MICU1: variants seen among roughly 807,000 people sequenced by gnomAD.
MICU1 encodes mitochondrial calcium uptake 1.
In MICU1, 45 loss-of-function variants were observed where a neutral mutation model predicts 56.8. The observed-to-expected ratio is 0.79, with a 90% CI of 0.62 to 1.02. MICU1 has a LOEUF of 1.02. Ranked by LOEUF, MICU1 falls within the 50% of genes least tolerant of loss-of-function variation. The pLI is 0.00. For synonymous variants in MICU1, 186 were observed against 195.1 expected (o/e 0.95, Z 0.39); for missense variants, 504 against 587.1 (o/e 0.86, Z 1.46).
chr10:72,425,674 C>A (rs1210935876), intron 8 of MICU1, among the ~76,000 whole-genome samples: 2 of 152,104 alleles, frequency 1.3e-5, no homozygotes, highest in African/African-American at 4.8e-5. Context: ...TGATTTTGGG[C>A]AGCACCTCTC....
At chr10:72,395,836 C>T (rs1026486772) in intron 10 of MICU1, among the ~76,000 whole-genome samples, 3 of 152,234 alleles carry the variant, frequency 2.0e-5, no homozygotes, top group Non-Finnish European at 2.9e-5. Context: ...CTAGACTCCA[C>T]CTCTATGGGC....
chr10:72,379,803 T>C (rs1326510537), intron 10 of MICU1, among the ~76,000 whole-genome samples: 5 of 152,086 alleles, frequency 3.3e-5, no homozygotes, highest in Admixed American at 6.6e-5. Context: ...CTTCCTACCA[T>C]AGGAGGAAGA....
intron 10 of MICU1, among the ~76,000 whole-genome samples, chr10:72,387,237 A>C (rs1862920679): frequency 6.6e-6 from 1 of 152,224 alleles, no homozygotes; most frequent in Non-Finnish European, 1.5e-5. Flanking sequence ...TATAACTCCA[A>C]CCTGAGGGTC....
chr10:72,391,926 C>G (rs949314605), intron 10 of MICU1: 1 of 152,084 alleles, frequency 6.6e-6, no homozygotes, highest in African/African-American at 2.4e-5. Flanking sequence ...GGGGTGAAAA[C>G]AGCTAATCCC....
At chr10:72,617,588 T>C (rs539113029) in intron 1 of MICU1, among the ~76,000 whole-genome samples, 3 of 152,180 alleles carry the variant, frequency 2.0e-5, no homozygotes, top group South Asian at 2.1e-4. Flanking sequence ...TCCCAGAATT[T>C]TGGGAGGCCG....
chr10:72,488,997 T>A (rs1404894161), intron 6 of MICU1, among the ~76,000 whole-genome samples: 1 of 152,168 alleles, frequency 6.6e-6, no homozygotes, highest in Non-Finnish European at 1.5e-5. Context: ...TACTTAGATG[T>A]AGCTTACAAG....
intron 7 of MICU1, chr10:72,475,902 G>A: frequency 1.1e-5 from 5 of 456,530 alleles, no homozygotes; most frequent in South Asian, 7.7e-5. Context: ...CTCTGTTCAG[G>A]AAAGGATGAA....
chr10:72,616,403 T>C (rs1305142631), intron 1 of MICU1, among the ~76,000 whole-genome samples: 1 of 151,970 alleles, frequency 6.6e-6, no homozygotes, highest in Non-Finnish European at 1.5e-5. Flanking sequence ...TAAGAGACTC[T>C]ACACAGAAAC....
At chr10:72,380,891 A>G (rs1309551436) in intron 10 of MICU1, among the ~76,000 whole-genome samples, 1 of 152,246 alleles carries the variant, frequency 6.6e-6, no homozygotes, top group African/African-American at 2.4e-5. Flanking sequence ...GGATGAATGA[A>G]TAATTGAATA....
At chr10:72,585,994 A>ATTTTTTATTTTTTTTTTTTTTTTT (rs1276935862) in intron 1 of MICU1, among the ~76,000 whole-genome samples, 2 of 100,206 alleles carry the variant, frequency 2.0e-5, no homozygotes, top group Non-Finnish European at 4.2e-5. Flanking sequence ...TATTGTTTTT[A>ATTTTTTATTTTTTTTTTTTTTTTT]TTTTTTCTTT....
chr10:72,403,142 C>T (rs1051648015), intron 10 of MICU1, among the ~76,000 whole-genome samples: 1 of 152,034 alleles, frequency 6.6e-6, no homozygotes, highest in Admixed American at 6.6e-5. Context: ...CTTTGGGAGG[C>T]CGAGGTGGGT....
At chr10:72,513,759 G>C (rs1867560040) in intron 5 of MICU1, among the ~76,000 whole-genome samples, 1 of 151,540 alleles carries the variant, frequency 6.6e-6, no homozygotes, top group African/African-American at 2.4e-5. Flanking sequence ...TCATTCTTTT[G>C]TACGTGAATA....
chr10:72,509,292 G>GT (rs1867363059), intron 5 of MICU1: 2 of 915,844 alleles, frequency 2.2e-6, no homozygotes, highest in African/African-American at 3.4e-5. Flanking sequence ...CAAGCATAAA[G>GT]TAAGAGGCAG....
chr10:72,611,659 C>A (rs1344950502), intron 1 of MICU1, among the ~76,000 whole-genome samples: 3 of 152,016 alleles, frequency 2.0e-5, no homozygotes, highest in Admixed American at 6.6e-5. Flanking sequence ...AAGAAAAAAA[C>A]CCAGTTTTGA....
chr10:72,433,397 C>T (rs1384079710), intron 8 of MICU1, among the ~76,000 whole-genome samples: 6 of 151,516 alleles, frequency 4.0e-5, no homozygotes, highest in Admixed American at 6.6e-5. Context: ...CAGGTGCATG[C>T]CACCATGCCC....
At chr10:72,586,097 C>T (rs1421263769) in intron 1 of MICU1, among the ~76,000 whole-genome samples, 1 of 141,182 alleles carries the variant, frequency 7.1e-6, no homozygotes, top group East Asian at 2.0e-4. Flanking sequence ...TCACTGCAGC[C>T]TCTCTCTTCC....
chr10:72,594,871 C>T (rs1371456536), intron 1 of MICU1, among the ~76,000 whole-genome samples: 1 of 144,800 alleles, frequency 6.9e-6, no homozygotes, highest in Non-Finnish European at 1.5e-5. Context: ...GACTGTGCTA[C>T]TGCATTCCAG....
chr10:72,407,785 G>T, intron 10 of MICU1, 144 bp downstream of exon 10: 1 of 588,718 alleles, frequency 1.7e-6, no homozygotes, highest in Non-Finnish European at 3.0e-6. Flanking sequence ...GAAATGCAAG[G>T]CTCATACAAT....
chr10:72,391,203 G>A (rs964203467), intron 10 of MICU1, among the ~76,000 whole-genome samples: 6 of 152,204 alleles, frequency 3.9e-5, no homozygotes, highest in Admixed American at 6.5e-5. Context: ...AGGCCAAGGC[G>A]GGTGGATCAC....
Sources: allele counts gnomAD v4.1 joint callset (sites outside exome capture counted in the v4.1 genomes callset), GRCh38; gene constraint gnomAD v4.1.1; transcripts MANE v1.5; gene names NCBI Gene and HGNC (gene_info 2026-07-23, HGNC 2026-07-21).